TFPT: variants seen among roughly 807,000 people sequenced by gnomAD.
TFPT encodes the protein TCF3 fusion partner.
In TFPT, 27 loss-of-function variants were observed where a neutral mutation model predicts 28.8. The observed-to-expected ratio is 0.94, with a 90% CI of 0.69 to 1.29. TFPT has a LOEUF of 1.29. Among genes scored for constraint, TFPT ranks in the 50% most tolerant of loss-of-function variants. TFPT has a pLI of 0.00. For synonymous variants in TFPT, 152 were observed against 142.8 expected (o/e 1.06, Z -0.46); for missense variants, 330 against 338.0 (o/e 0.98, Z 0.19).
At chr19:54,107,945 C>A in intron 5 of TFPT, 81 bp downstream of exon 5, 2 of 1,422,906 alleles carry the variant, frequency 1.4e-6, no homozygotes, top group Non-Finnish European at 1.9e-6. Flanking sequence ...CTGGCCCCTC[C>A]CCTTGAGTCC....
At chr19:54,107,414 A>G (rs1357071057) in intron 5 of TFPT, 8 of 530,446 alleles carry the variant, frequency 1.5e-5, no homozygotes, top group Non-Finnish European at 2.3e-5. Flanking sequence ...CAAGCCTAAC[A>G]TGTTTTTTCT....
chr19:54,113,427 C>G (rs752026262), intron 2 of TFPT, among the ~76,000 whole-genome samples: 22 of 152,140 alleles, frequency 1.4e-4, no homozygotes, highest in Non-Finnish European at 2.4e-4. Context: ...CTGTCGACAC[C>G]TTGCCTTGGA....
intron 2 of TFPT, 138 bp downstream of exon 2, chr19:54,114,304 A>G (rs2073545871): frequency 1.4e-6 from 2 of 1,397,700 alleles, no homozygotes; most frequent in Non-Finnish European, 9.6e-7. Flanking sequence ...AATGCATGCT[A>G]AATGACTGAA....
At chr19:54,107,913 T>C in intron 5 of TFPT, 113 bp downstream of exon 5, 1 of 1,186,298 alleles carries the variant, frequency 8.4e-7, no homozygotes, top group South Asian at 1.7e-5. Flanking sequence ...CCAAGAGCCC[T>C]GAACCTAACT....
At chr19:54,110,847 C>T (rs2073433541) in intron 2 of TFPT, among the ~76,000 whole-genome samples, 1 of 152,172 alleles carries the variant, frequency 6.6e-6, no homozygotes, top group Non-Finnish European at 1.5e-5. Context: ...TGCTGACTGA[C>T]CGCCTCTCCA....
chr19:54,112,186 T>G (rs900229480), intron 2 of TFPT, among the ~76,000 whole-genome samples: 2 of 148,426 alleles, frequency 1.3e-5, no homozygotes, highest in Admixed American at 6.8e-5. Context: ...TCCAGGATGT[T>G]GGGGCTGCAG....
intron 2 of TFPT, among the ~76,000 whole-genome samples, chr19:54,113,168 G>A (rs1207419168): frequency 2.0e-5 from 3 of 149,374 alleles, no homozygotes; most frequent in African/African-American, 7.4e-5. Flanking sequence ...TTAACCCCCA[G>A]TACCTCAGGA....
intron 2 of TFPT, among the ~76,000 whole-genome samples, chr19:54,110,940 G>A (rs73062626): frequency 2.6e-5 from 4 of 152,152 alleles, no homozygotes; most frequent in East Asian, 3.8e-4. Context: ...GTACATCCTC[G>A]ATGAACATTT....
At position 54,107,990 on chromosome 19, in the gene TFPT, C is replaced by T. The variant is rs2146347464; in HGVS notation, c.642+36G>A. On this transcript the variant is annotated intron_variant, in intron 5 of 5. Coordinates refer to ENST00000391759, the MANE Select transcript of TFPT (RefSeq NM_013342.4). Reference sequence around the variant, plus strand: ...ACCTGCACTGGCGCCGGCTCTGGAGCCCCAGTCCCTCCCCTTGAGTTCCCG... The same window carrying T: ...ACCTGCACTGGCGCCGGCTCTGGAGTCCCAGTCCCTCCCCTTGAGTTCCCG... 6 of 1,509,334 alleles carry T rather than the reference C, an allele frequency of 4.0e-6. No individual in the cohort carries two copies. The South Asian group carries it at 5.4e-5, about 14-fold the overall frequency. 93.5% of individuals were successfully genotyped at this position (1,509,334 alleles called of 1,614,324 possible). A position where few individuals can be genotyped will look rare whatever the true frequency, so the allele number is the denominator to read the frequency against.
At chr19:54,111,554 C>T (rs1463540793) in intron 2 of TFPT, among the ~76,000 whole-genome samples, 1 of 151,498 alleles carries the variant, frequency 6.6e-6, no homozygotes, top group Non-Finnish European at 1.5e-5. Flanking sequence ...GTGGCGCATG[C>T]CTGTAATCCC....
At chr19:54,108,783 A>C in intron 3 of TFPT, 1 of 621,402 alleles carries the variant, frequency 1.6e-6, no homozygotes, top group East Asian at 2.9e-5. Context: ...CGCTCCTCCT[A>C]ATGACCTCAC....
chr19:54,114,369 G>A (rs1416016794), intron 2 of TFPT, 73 bp downstream of exon 2: 3 of 1,547,050 alleles, frequency 1.9e-6, no homozygotes, highest in Non-Finnish European at 2.6e-6. Context: ...TGGGCATGTG[G>A]AAAGGCAGAG....
intron 2 of TFPT, 130 bp downstream of exon 2, chr19:54,114,312 G>T: frequency 7.0e-7 from 1 of 1,422,938 alleles, no homozygotes; most frequent in South Asian, 1.4e-5. Flanking sequence ...CTAAATGACT[G>T]AATATATAAG....
rs2073594706 is a variant in TFPT, at chr19:54,115,332, CCGTTCGCAAAACTACTTG to C, written c.-81_-64del. ...CGACCTCTTCAATCTGTAGGTTAAG[CCGTTCGCAAAACTACTTG>C]TCCCATCAGGCTCAGCAGCCGAGGA... is the stretch of plus-strand genomic sequence containing the variant. On this transcript the variant is annotated 5_prime_UTR_variant, in exon 1 of 6. Transcript: ENST00000391759. 3.1e-6 allele frequency: 5 copies of C among 1,612,384 alleles called. No individual in the cohort carries two copies. The highest frequency in any genetic ancestry group is 4.2e-6 in the Non-Finnish European group (5 of 1,179,458).
chr19:54,107,394 A>T (rs1315007543), intron 5 of TFPT: 18 of 572,758 alleles, frequency 3.1e-5, no homozygotes, highest in Non-Finnish European at 5.2e-5. Flanking sequence ...GACTACAGGC[A>T]CTTGCCAACC....
Position 54,114,523 on chromosome 19 carries a change from G to A in TFPT, c.201C>T (p.Ala67=). 1.2e-6 allele frequency: 2 copies of A among 1,613,968 alleles called. No individual in the cohort carries two copies. Among genetic ancestry groups the A allele is most frequent in the Non-Finnish European group, 8.5e-7 (1 of 1,180,010 alleles). ...CCCGCTGGCGCCGCCGCCGACCCCG[G>A]GCTGCCTCTTCCTCTTCATCTCGCT... ...LRERDEEEEA[A]RGRRRRQREL... The change falls in exon 2 of 6, where the codon GCC becomes GCT. Residue 67 remains alanine, a synonymous_variant. Coordinates refer to ENST00000391759, the MANE Select transcript of TFPT (RefSeq NM_013342.4).
intron 2 of TFPT, among the ~76,000 whole-genome samples, chr19:54,113,628 ACTT>A (rs1290841783): frequency 6.6e-6 from 1 of 151,848 alleles, no homozygotes; most frequent in Non-Finnish European, 1.5e-5. Context: ...AAATATCCAG[ACTT>A]CTTGTCCTGG....
intron 2 of TFPT, among the ~76,000 whole-genome samples, chr19:54,111,812 C>G (rs2073463980): frequency 6.7e-6 from 1 of 148,398 alleles, no homozygotes; most frequent in East Asian, 2.0e-4. Flanking sequence ...GAAACCCTGT[C>G]TCTACTAAAA....
intron 2 of TFPT, among the ~76,000 whole-genome samples, chr19:54,113,150 T>C (rs2073503392): frequency 6.7e-6 from 1 of 149,962 alleles, no homozygotes; most frequent in Non-Finnish European, 1.5e-5. Context: ...AAAGAGGGTG[T>C]TGAGGCTTTA....
Sources: gnomAD v4.1 joint callset for allele counts (sites outside exome capture counted in the v4.1 genomes callset) on GRCh38, gnomAD v4.1.1 for gene constraint, MANE v1.5 for transcripts, NCBI Gene and HGNC (gene_info 2026-07-23, HGNC 2026-07-21) for gene names.